Variants in EHD1 observed in about 807,000 individuals in gnomAD.
EHD1 encodes the protein EH domain-containing protein 1.
Under a neutral mutation model 39.0 loss-of-function variants are expected in EHD1, and 19 were observed. The ratio of observed to expected loss-of-function variants is 0.49; its 90% CI spans 0.34 to 0.72. EHD1 has a LOEUF of 0.72. EHD1 is among the 30% of genes least tolerant of loss of function. The pLI is 0.01. For missense variants in EHD1, 542 were observed against 751.5 expected (o/e 0.72, Z 3.26); for synonymous variants, 323 against 331.2 (o/e 0.98, Z 0.27).
In EHD1 at chr11:64,860,299, C is replaced by T. The variant is rs1943700843; in HGVS notation, c.540G>A (p.Glu180=). 1.2e-6 allele frequency: 2 copies of T among 1,613,774 alleles called. No homozygotes were observed. Among genetic ancestry groups the T allele is most frequent in the Non-Finnish European group, 1.7e-6 (2 of 1,179,996 alleles). ...DFAAVLEWFA[E]RVDRIILLFD... ...AGAGCAGGATGATGCGGTCCACACGCTCCGCGAACCACTCCAGGACGGCTG... is the reference window on the plus strand; with the variant it reads ...AGAGCAGGATGATGCGGTCCACACGTTCCGCGAACCACTCCAGGACGGCTG... The change falls in exon 3 of 5, where the codon GAG becomes GAA. Residue 180 remains glutamate, a synonymous_variant. Coordinates refer to ENST00000320631, the MANE Select transcript of EHD1 (RefSeq NM_006795.4).
chr11:64,874,313 A>AG (rs1943862316), intron 2 of EHD1, 108 bp downstream of exon 2: 1 of 1,064,248 alleles, frequency 9.4e-7, no homozygotes, highest in African/African-American at 1.6e-5. Flanking sequence ...AAAAAAAAAA[A>AG]AAAAAAAAGG....
chr11:64,859,259 G>A (rs765665622), intron 3 of EHD1, among the ~76,000 whole-genome samples: 22 of 152,216 alleles, frequency 1.4e-4, no homozygotes, highest in Non-Finnish European at 2.8e-4. Flanking sequence ...AAACCCCAGA[G>A]GGGTAATCCC....
Position 64,868,551 on chromosome 11 carries a change from G to C in EHD1, c.502+5870C>G, listed in dbSNP as rs1943793317. The stretch of plus-strand genomic sequence containing the variant: ...CACAGATGCAGCTCAGAAGCATCCT[G>C]CTAAGTGAAGGTGGAAGCAAAAGGC... On this transcript the variant is annotated intron_variant, in intron 2 of 4. Transcript: ENST00000320631. This position sits in a 1 kb window ranked among gnomAD's most constrained non-coding sequence, Gnocchi z 4.2. Among the ~76,000 whole-genome samples, 1 of 152,212 alleles carries C rather than the reference G, an allele frequency of 6.6e-6. No individual in the cohort carries two copies. The highest frequency in any genetic ancestry group is 1.9e-4 in the East Asian group (1 of 5,198).
chr11:64,865,336 G>A (rs544857528), intron 2 of EHD1, among the ~76,000 whole-genome samples: 1 of 152,384 alleles, frequency 6.6e-6, no homozygotes, highest in African/African-American at 2.4e-5. Context: ...CTGCACAGCG[G>A]TAACACTGAG....
rs777205616 is a variant in EHD1, at chr11:64,854,692, C to T, written c.1246G>A (p.Gly416Ser). The T allele has an allele frequency of 3.7e-6, 6 of 1,613,614 alleles. No individual in the cohort carries two copies. Among genetic ancestry groups the T allele is most frequent in the Non-Finnish European group, 3.4e-6 (4 of 1,179,998 alleles). ...SQVVKGGAFD[G>S]TMNGPFGHGY... ...TGCCCGAACGGCCCGTTCATGGTGC[C>T]GTCAAAGGCGCCGCCCTTGACCACC... Residue 416 changes from glycine to serine, a missense_variant, in exon 5 of 5, where the codon GGC becomes AGC. Physicochemically the swap from Gly to Ser is moderately conservative, Grantham distance 56. Coordinates refer to ENST00000320631, the MANE Select transcript of EHD1 (RefSeq NM_006795.4).
intron 1 of EHD1, 24 bp from the exon 2 acceptor site, chr11:64,874,542 G>C (rs370511037): frequency 1.3e-6 from 2 of 1,571,868 alleles, no homozygotes; most frequent in Non-Finnish European, 8.6e-7. Context: ...AGAGCCAGAA[G>C]AGAGGCGTCA....
At chr11:64,879,171 G>A, upstream of EHD1, 1 of 1,039,770 alleles carries the variant, frequency 9.6e-7, no homozygotes, top group Non-Finnish European at 1.2e-6. Flanking sequence ...TTTGGGAGAG[G>A]GAGAGACAGG....
chr11:64,859,904 C>T lies in EHD1; in HGVS notation c.915+20G>A, dbSNP rs769041691. The T allele has an allele frequency of 3.1e-6, 5 of 1,596,372 alleles. No individual in the cohort carries two copies. Among genetic ancestry groups the T allele is most frequent in the Non-Finnish European group, 4.3e-6 (5 of 1,169,252 alleles). On this transcript the variant is annotated intron_variant, in intron 3 of 4. Transcript: ENST00000320631. ...TGGCCCTGCCTGGCAATAGGCTGCT[C>T]CCCTCACCCCAGGGTCTACCTTGGC...
rs982576586 is a variant in EHD1 at position 64,851,947 on chromosome 11, C to CG, written c.*2385dup. 1 of 152,198 alleles carries CG rather than the reference C, an allele frequency of 6.6e-6. No homozygotes were observed. The highest frequency in any genetic ancestry group is 2.4e-5 in the African/African-American group (1 of 41,426). The allele number at this position is 152,198 out of a possible 1,614,324, so 9.4% of individuals were successfully genotyped here. ...ATGCCCACAGGTGGCAGCTGAGTGA[C>CG]GCAGGGAGGGCCGGCCAGCCCTGCA... On this transcript the variant is annotated 3_prime_UTR_variant, in exon 5 of 5. Coordinates refer to ENST00000320631, the MANE Select transcript of EHD1 (RefSeq NM_006795.4).
chr11:64,854,480 C>T lies in EHD1; in HGVS notation c.1458G>A (p.Lys486=). ...LPNTVLGKIW[K]LADVDKDGLL... is the part of the protein sequence containing the mutation. ...GCCCGTCCTTGTCCACGTCGGCCAG[C>T]TTCCAGATCTTCCCTAGCACGGTGT... Residue 486 remains lysine, a synonymous_variant, in exon 5 of 5, where the codon AAG becomes AAA. Transcript: ENST00000320631. 6.2e-7 allele frequency: 1 copy of T among 1,614,182 alleles called. No homozygotes were observed. Among genetic ancestry groups the T allele is most frequent in the East Asian group, 2.2e-5 (1 of 44,876 alleles).
chr11:64,875,406 C>A (rs1403827598), intron 1 of EHD1, among the ~76,000 whole-genome samples: 1 of 152,152 alleles, frequency 6.6e-6, no homozygotes, highest in Non-Finnish European at 1.5e-5. Context: ...GAAAAATTAG[C>A]TGGGCATGGT....
rs1369889962 is a variant in EHD1 at position 64,860,383 on chromosome 11, G to C, written c.503-47C>G. On this transcript the variant is annotated intron_variant, in intron 2 of 4. Transcript: ENST00000320631. ...GCTCAGGGGCGCCAAGGGACCTGCT[G>C]CTCTGATGGCTCTCATCTCCAACCT... 5 of 1,561,942 alleles carry C rather than the reference G, an allele frequency of 3.2e-6. No homozygotes were observed. The African/African-American group carries it at 6.8e-5, about 21-fold the overall frequency.
In EHD1 at chr11:64,851,762, C is replaced by T. The variant is rs1399042952; in HGVS notation, c.*2571G>A. 2 of 152,216 alleles carry T rather than the reference C, an allele frequency of 1.3e-5. No homozygotes were observed. The highest frequency in any genetic ancestry group is 4.8e-5 in the African/African-American group (2 of 41,414). 9.4% of individuals were successfully genotyped at this position (152,216 alleles called of 1,614,324 possible). The stretch of plus-strand genomic sequence containing the variant: ...CTTAGTGTGTGCTTTGGATTAGTAA[C>T]CTGATGGAAAGCACGCTGGAGTTGG... On this transcript the variant is annotated 3_prime_UTR_variant, in exon 5 of 5. Transcript: ENST00000320631.
chr11:64,878,861 G>A (rs1214718459), upstream of EHD1: 3 of 1,091,148 alleles, frequency 2.7e-6, no homozygotes, highest in East Asian at 2.0e-4. Context: ...CTCGTAGGGA[G>A]GCTCGCGAAA....
At chr11:64,870,977 A>G (rs1425343225) in intron 2 of EHD1, among the ~76,000 whole-genome samples, 1 of 152,208 alleles carries the variant, frequency 6.6e-6, no homozygotes, top group African/African-American at 2.4e-5. Context: ...GGTCCCTGAC[A>G]GAGCCTGGCT....
Position 64,854,785 on chromosome 11 carries a change from T to C in EHD1, c.1153A>G (p.Met385Val), listed in dbSNP as rs1275831430. ...AGCCGCGCGATGTCGTTGGCCAGCATGTCATCCACCGTGTCCAGCAGCTTG... is the reference window on the plus strand; with the variant it reads ...AGCCGCGCGATGTCGTTGGCCAGCACGTCATCCACCGTGTCCAGCAGCTTG... Reference protein sequence around the residue: ...KPKLLDTVDDMLANDIARLMV... With the variant: ...KPKLLDTVDDVLANDIARLMV... The change falls in exon 5 of 5, where the codon ATG (methionine) becomes GTG (valine). Residue 385 changes from methionine to valine, a missense_variant. Coordinates refer to ENST00000320631, the MANE Select transcript of EHD1 (RefSeq NM_006795.4). 6.2e-7 allele frequency: 1 copy of C among 1,605,988 alleles called. No individual in the cohort carries two copies. The highest frequency in any genetic ancestry group is 1.7e-5 in the Admixed American group (1 of 60,024).
chr11:64,858,136 A>G (rs1219984958), intron 3 of EHD1, among the ~76,000 whole-genome samples: 3 of 149,900 alleles, frequency 2.0e-5, no homozygotes, highest in Non-Finnish European at 4.4e-5. Context: ...GGCCTCCCAA[A>G]GTGCTGGGAT....
chr11:64,874,110 C>T (rs907410796), intron 2 of EHD1, among the ~76,000 whole-genome samples: 1 of 150,826 alleles, frequency 6.6e-6, no homozygotes, highest in African/African-American at 2.4e-5. Context: ...TCGAGACCAG[C>T]CTGGCCAATA....
chr11:64,854,441 C>G lies in EHD1; in HGVS notation c.1497G>C (p.Glu499Asp), dbSNP rs367709253. 4.0e-5 allele frequency: 65 copies of G among 1,614,024 alleles called. No homozygotes were observed. Among genetic ancestry groups the G allele is most frequent in the African/African-American group, 3.5e-4 (26 of 74,948 alleles). ...DVDKDGLLDD[E>D]EFALANHLIK... is the part of the protein sequence containing the mutation. The stretch of plus-strand genomic sequence containing the variant: ...TGAGGTGGTTGGCCAGCGCGAACTC[C>G]TCGTCGTCCAGCAGCCCGTCCTTGT... Residue 499 changes from glutamate (E) to aspartate (D), a missense_variant, in exon 5 of 5, where the codon GAG becomes GAC. Coordinates refer to ENST00000320631, the MANE Select transcript of EHD1 (RefSeq NM_006795.4).
Sources: allele counts gnomAD v4.1 joint callset (sites outside exome capture counted in the v4.1 genomes callset), GRCh38; gene constraint gnomAD v4.1.1; non-coding constraint Gnocchi (gnomAD v3.1); transcripts MANE v1.5; gene names NCBI Gene and HGNC (gene_info 2026-07-23, HGNC 2026-07-21).